Variants in TSPAN8 observed in about 807,000 individuals in gnomAD.
TSPAN8 encodes tetraspanin 8.
In TSPAN8, 21 loss-of-function variants were observed where a neutral mutation model predicts 32.8. The ratio of observed to expected loss-of-function variants is 0.64; its 90% confidence interval spans 0.45 to 0.92. The LOEUF is 0.92. Ranked by LOEUF, TSPAN8 falls within the 40% of genes least tolerant of loss-of-function variation. TSPAN8 has a pLI of 0.00. For synonymous variants in TSPAN8, 95 were observed against 94.6 expected (o/e 1.00, Z -0.03); for missense variants, 269 against 281.9 (o/e 0.95, Z 0.33).
chr12:71,144,126 G>T, intron 3 of TSPAN8, 25 bp downstream of exon 3: 1 of 1,599,104 alleles, frequency 6.3e-7, no homozygotes, highest in Non-Finnish European at 8.5e-7. Context: ...ATTGGGGAAA[G>T]GGTGACTTGT....
At chr12:71,140,952 C>A (rs530627160) in intron 3 of TSPAN8, among the ~76,000 whole-genome samples, 230 of 152,310 alleles carry the variant, frequency 1.5e-3, no homozygotes, top group Non-Finnish European at 2.5e-3. Context: ...ACAAAAATGA[C>A]TGCTATGTTC....
At chr12:71,137,842 A>C in intron 6 of TSPAN8, 111 bp downstream of exon 6, 2 of 979,654 alleles carry the variant, frequency 2.0e-6, no homozygotes, top group Non-Finnish European at 3.0e-6. Context: ...ATAATCAATC[A>C]AAATCTGCAA....
intron 2 of TSPAN8, among the ~76,000 whole-genome samples, chr12:71,144,818 G>A (rs1872021463): frequency 6.6e-6 from 1 of 152,018 alleles, no homozygotes; most frequent in Admixed American, 6.6e-5. Context: ...CACAGAGAAG[G>A]AACAATGAAA....
chr12:71,137,817 T>A (rs1164621581), intron 6 of TSPAN8, 136 bp downstream of exon 6: 3 of 712,914 alleles, frequency 4.2e-6, no homozygotes, highest in African/African-American at 3.6e-5. Context: ...ATTTTTCTTA[T>A]TGCATGGTGA....
At chr12:71,150,762 T>A (rs1872227290) in intron 2 of TSPAN8, among the ~76,000 whole-genome samples, 1 of 152,140 alleles carries the variant, frequency 6.6e-6, no homozygotes, top group Non-Finnish European at 1.5e-5. Flanking sequence ...ATCATGCGGG[T>A]GGTTCCCCCA....
chr12:71,125,929 T>C (rs1592396569), intron 8 of TSPAN8, among the ~76,000 whole-genome samples: 1 of 152,276 alleles, frequency 6.6e-6, no homozygotes, highest in African/African-American at 2.4e-5. Flanking sequence ...ACAGCTTAAT[T>C]CAGGAATTTC....
Position 71,128,533 on chromosome 12 carries a change from A to G in TSPAN8, c.660+798T>C, listed in dbSNP as rs575562357. Among the ~76,000 whole-genome samples the G allele has an allele frequency of 5.3e-5, 8 of 152,202 alleles. No individual in the cohort carries two copies. In the East Asian group the frequency reaches 1.5e-3, roughly 29 times the overall value. The stretch of plus-strand genomic sequence containing the variant: ...ATTGTGAGTGAATTTGATCTACTTG[A>G]TATTAAAATTACCCAAGATCTGGGA... On this transcript the variant is annotated intron_variant, in intron 8 of 8. Transcript: ENST00000247829.
intron 7 of TSPAN8, among the ~76,000 whole-genome samples, chr12:71,129,742 T>A (rs1871460177): frequency 6.6e-6 from 1 of 152,114 alleles, no homozygotes; most frequent in African/African-American, 2.4e-5. Context: ...TACTATAAAT[T>A]TTATAGCTGA....
At chr12:71,139,430 C>G (rs11178648) in intron 4 of TSPAN8, among the ~76,000 whole-genome samples, 1 of 152,170 alleles carries the variant, frequency 6.6e-6, no homozygotes, top group Non-Finnish European at 1.5e-5. Flanking sequence ...TGTATTATTT[C>G]GCACAATATC....
intron 2 of TSPAN8, among the ~76,000 whole-genome samples, chr12:71,146,431 A>T (rs1289526085): frequency 6.6e-6 from 1 of 152,200 alleles, no homozygotes; most frequent in East Asian, 1.9e-4. Flanking sequence ...CATGAATAAT[A>T]CTAAACTATT....
chr12:71,140,180 G>A (rs959527919), intron 3 of TSPAN8, among the ~76,000 whole-genome samples: 4 of 152,088 alleles, frequency 2.6e-5, no homozygotes, highest in African/African-American at 9.7e-5. Flanking sequence ...TATATAAAGT[G>A]CATTATAAAA....
chr12:71,141,649 T>C (rs555531620), intron 3 of TSPAN8, among the ~76,000 whole-genome samples: 10 of 152,332 alleles, frequency 6.6e-5, no homozygotes, highest in Admixed American at 1.3e-4. Context: ...TGCCAGAGAC[T>C]AGCCAGAAAG....
Position 71,157,718 on chromosome 12 carries a change from C to T in TSPAN8, c.-40G>A, listed in dbSNP as rs544968036. On this transcript the variant is annotated 5_prime_UTR_variant, in exon 2 of 9. Transcript: ENST00000247829. ...AGGAATCCAGATGCCGTGAATTTAA[C>T]TATTCGTTACAGGCTTGTCCTGCAA... is the stretch of plus-strand genomic sequence containing the variant. 1 of 1,519,968 alleles carries T rather than the reference C, an allele frequency of 6.6e-7. No individual in the cohort carries two copies. Among genetic ancestry groups the T allele is most frequent in the Admixed American group, 1.7e-5 (1 of 59,832 alleles). The allele number at this position is 1,519,968 out of a possible 1,614,324, so 94.2% of individuals were successfully genotyped here.
At chr12:71,141,587 G>A (rs949737360) in intron 3 of TSPAN8, among the ~76,000 whole-genome samples, 4 of 152,204 alleles carry the variant, frequency 2.6e-5, no homozygotes, top group Non-Finnish European at 4.4e-5. Context: ...CAGCACTTGT[G>A]CAGCAGGTAG....
intron 2 of TSPAN8, among the ~76,000 whole-genome samples, chr12:71,151,312 C>T (rs757812247): frequency 1.3e-5 from 2 of 152,172 alleles, no homozygotes; most frequent in Non-Finnish European, 2.9e-5. Context: ...ATCCACCCAC[C>T]TTGGCCTCCC....
chr12:71,146,554 T>C (rs938012205), intron 2 of TSPAN8, among the ~76,000 whole-genome samples: 11 of 152,162 alleles, frequency 7.2e-5, no homozygotes, highest in Admixed American at 5.2e-4. Context: ...CAATTAAAAG[T>C]ATAAATTAAT....
At chr12:71,156,190 G>A (rs1872423005) in intron 2 of TSPAN8, among the ~76,000 whole-genome samples, 1 of 145,534 alleles carries the variant, frequency 6.9e-6, no homozygotes, top group African/African-American at 2.6e-5. Flanking sequence ...GTGGCCACCT[G>A]GGCTGGCCAA....
chr12:71,127,243 A>C (rs1871376340), intron 8 of TSPAN8, among the ~76,000 whole-genome samples: 1 of 151,740 alleles, frequency 6.6e-6, no homozygotes, highest in South Asian at 2.1e-4. Context: ...ATAGGGCAAT[A>C]GGAAACTTGT....
chr12:71,144,976 T>C (rs188060371), intron 2 of TSPAN8, among the ~76,000 whole-genome samples: 170 of 152,120 alleles, frequency 1.1e-3, no homozygotes, highest in African/African-American at 4.0e-3. Context: ...AAGTTATGCA[T>C]TGTGGCTTCA....
Sources: gnomAD v4.1 joint callset for allele counts (sites outside exome capture counted in the v4.1 genomes callset) on GRCh38, gnomAD v4.1.1 for gene constraint, MANE v1.5 for transcripts, NCBI Gene and HGNC (gene_info 2026-07-23, HGNC 2026-07-21) for gene names.